CRYM: variants seen among roughly 807,000 people sequenced by gnomAD.
CRYM encodes the protein crystallin mu.
CRYM carries 18 observed loss-of-function variants against 32.9 expected under a neutral mutation model. That is an observed-to-expected ratio of 0.55 (90% CI 0.38 to 0.81). The LOEUF (loss-of-function observed/expected upper bound fraction) is 0.81, where lower values mean the gene tolerates loss of function less well. Ranked by LOEUF, CRYM falls within the 30% of genes least tolerant of loss-of-function variation. CRYM has a pLI of 0.00. For synonymous variants in CRYM, 153 were observed against 152.4 expected (o/e 1.00, Z -0.03); for missense variants, 337 against 393.5 (o/e 0.86, Z 1.21).
chr16:21,295,500 C>T (rs1960770638), intron 1 of CRYM, among the ~76,000 whole-genome samples: 1 of 152,108 alleles, frequency 6.6e-6, no homozygotes, highest in African/African-American at 2.4e-5. Context: ...ATATCCCTTG[C>T]TCACTTTTTG....
chr16:21,274,428 T>A (rs1049425971), intron 3 of CRYM, among the ~76,000 whole-genome samples: 1 of 152,194 alleles, frequency 6.6e-6, no homozygotes, highest in Non-Finnish European at 1.5e-5. Context: ...TCACTTCTGC[T>A]TTATCTTCAC....
chr16:21,262,726 G>T (rs1387763963), intron 5 of CRYM, among the ~76,000 whole-genome samples: 1 of 152,144 alleles, frequency 6.6e-6, no homozygotes, highest in Non-Finnish European at 1.5e-5. Flanking sequence ...TTCATTTACA[G>T]GGTGTCTACT....
intron 3 of CRYM, among the ~76,000 whole-genome samples, chr16:21,272,025 ATTT>A (rs775866723): frequency 1.5e-5 from 2 of 133,766 alleles, no homozygotes; most frequent in Non-Finnish European, 1.6e-5. Context: ...TACTTGGCTA[ATTT>A]TTTTTTTTTT....
intron 3 of CRYM, among the ~76,000 whole-genome samples, chr16:21,274,794 C>T (rs1433872520): frequency 3.3e-5 from 5 of 152,066 alleles, no homozygotes; most frequent in Admixed American, 1.3e-4. Context: ...TTACAAGAGA[C>T]GAGGTTTCAC....
intron 1 of CRYM, among the ~76,000 whole-genome samples, chr16:21,301,896 C>T (rs1173344523): frequency 6.6e-6 from 1 of 152,158 alleles, no homozygotes; most frequent in East Asian, 1.9e-4. Context: ...AGGGTGCGTG[C>T]TAGGGAGTCC....
intron 1 of CRYM, chr16:21,300,335 GTAACTGTGT>G (rs763709217): frequency 3.3e-5 from 5 of 152,034 alleles, no homozygotes; most frequent in Non-Finnish European, 7.4e-5. Context: ...GATTGCAATG[GTAACTGTGT>G]TTTTATTGCT....
At chr16:21,259,462 A>G (rs1173609421) in intron 7 of CRYM, among the ~76,000 whole-genome samples, 1 of 152,122 alleles carries the variant, frequency 6.6e-6, no homozygotes, top group Admixed American at 6.5e-5. Context: ...TTTGTGGGCC[A>G]CAGGGTCTCT....
At chr16:21,262,226 C>A in intron 5 of CRYM, 68 bp from the exon 6 acceptor site, 1 of 1,606,036 alleles carries the variant, frequency 6.2e-7, no homozygotes, top group Admixed American at 1.7e-5. Context: ...GCCCAAAGCA[C>A]AGGAGAGAGG....
At chr16:21,261,955 C>T (rs1244809173) in intron 6 of CRYM, 82 bp downstream of exon 6, 15 of 1,593,438 alleles carry the variant, frequency 9.4e-6, no homozygotes, top group African/African-American at 1.3e-5. Context: ...GCAGACCAAA[C>T]TGGAAGGGAA....
chr16:21,271,325 G>A (rs1024527572), intron 3 of CRYM, among the ~76,000 whole-genome samples: 3 of 152,090 alleles, frequency 2.0e-5, no homozygotes, highest in Non-Finnish European at 2.9e-5. Context: ...CTTGGCCCTC[G>A]ACACCATATG....
In CRYM at chr16:21,258,794, G is replaced by T; in HGVS notation, c.932C>A (p.Ser311Ter). The change falls in exon 8 of 8, where the codon TCA becomes TAA. Residue 311 changes from serine (S) to a stop codon, truncating the protein, a stop_gained. Coordinates refer to ENST00000572914, the MANE Select transcript of CRYM (RefSeq NM_001376256.1). LOFTEE classifies it high-confidence loss of function. ...AGTTCCTTTGTTTTATTTACCAGAT[G>T]ACCAGGAATCATAGATGAGTTTGGC... The part of the protein sequence containing the change: ...VAAKLIYDSW[S>*]SGK 1.9e-6 allele frequency: 3 copies of T among 1,613,806 alleles called. No homozygotes were observed. Among genetic ancestry groups the T allele is most frequent in the Middle Eastern group, 3.3e-4 (2 of 6,062 alleles).
chr16:21,267,689 T>C lies in CRYM; in HGVS notation c.538A>G (p.Thr180Ala). ...CAGACCCGTACCTCTCCTTGCACTGTGTCTGCAAACTTCTCTGCATTTTCT... is the reference window on the plus strand; with the variant it reads ...CAGACCCGTACCTCTCCTTGCACTGCGTCTGCAAACTTCTCTGCATTTTCT... ...TKENAEKFAD[T>A]VQGEVRVCSS... The change falls in exon 5 of 8, where the codon ACA becomes GCA. Residue 180 changes from threonine to alanine, a missense_variant. Transcript: ENST00000572914. 2 of 1,614,246 alleles carry C rather than the reference T, an allele frequency of 1.2e-6. No homozygotes were observed. Among genetic ancestry groups the C allele is most frequent in the Non-Finnish European group, 1.7e-6 (2 of 1,180,040 alleles).
chr16:21,277,828 CCT>C lies in CRYM; in HGVS notation c.171-246_171-245del, dbSNP rs900338042. ...GTGTAAGCTTAGGTAAGTCACTTAA[CCT>C]CTCTGAGTCTCAGTTTTCCACCAAT... On this transcript the variant is annotated intron_variant, in intron 1 of 7. Coordinates refer to ENST00000572914, the MANE Select transcript of CRYM (RefSeq NM_001376256.1). This position sits in a 1 kb window ranked among gnomAD's most constrained non-coding sequence, Gnocchi z 4.2. 6.6e-6 allele frequency among the ~76,000 whole-genome samples: 1 copy of C among 152,152 alleles called. No homozygotes were observed. Among genetic ancestry groups the C allele is most frequent in the Non-Finnish European group, 1.5e-5 (1 of 68,026 alleles).
At chr16:21,263,637 C>T (rs967227584) in intron 5 of CRYM, among the ~76,000 whole-genome samples, 1 of 152,170 alleles carries the variant, frequency 6.6e-6, no homozygotes, top group East Asian at 1.9e-4. Flanking sequence ...CCGTCCTGGC[C>T]CTGAACTGTC....
rs890412330 is a variant in CRYM, at chr16:21,277,412, G to A, written c.324+19C>T. The A allele has an allele frequency of 3.7e-6, 6 of 1,611,534 alleles. No individual in the cohort carries two copies. Among genetic ancestry groups the A allele is most frequent in the African/African-American group, 1.3e-5 (1 of 74,994 alleles). On this transcript the variant is annotated intron_variant, in intron 2 of 7. Transcript: ENST00000572914. This position sits in a 1 kb window ranked among gnomAD's most constrained non-coding sequence, Gnocchi z 4.2. ...GGGCCCAGGGGCCCCATTCCACCCC[G>A]GGACAGGAAGTTGCTCACCGCCAGC...
chr16:21,280,933 C>T (rs1043915313), upstream of CRYM, among the ~76,000 whole-genome samples: 5 of 152,058 alleles, frequency 3.3e-5, no homozygotes, highest in Admixed American at 1.3e-4. Context: ...GATGAAACCC[C>T]ATCTCTACAA....
chr16:21,263,941 G>C (rs1027309581), intron 5 of CRYM, among the ~76,000 whole-genome samples: 1 of 152,242 alleles, frequency 6.6e-6, no homozygotes, highest in Non-Finnish European at 1.5e-5. Context: ...TCTTAGAAGA[G>C]AAACAGGAAA....
intron 3 of CRYM, among the ~76,000 whole-genome samples, chr16:21,270,448 T>C (rs2093372952): frequency 6.6e-6 from 1 of 151,982 alleles, no homozygotes; most frequent in African/African-American, 2.4e-5. Context: ...AACACCCAGC[T>C]AATTTTTGTA....
At chr16:21,263,019 C>T (rs1231919505) in intron 5 of CRYM, among the ~76,000 whole-genome samples, 1 of 152,214 alleles carries the variant, frequency 6.6e-6, no homozygotes, top group Non-Finnish European at 1.5e-5. Context: ...CATTCCTCAC[C>T]CTCAACCAGT....
Sources: gnomAD v4.1 joint callset for allele counts (sites outside exome capture counted in the v4.1 genomes callset) on GRCh38, gnomAD v4.1.1 for gene constraint, Gnocchi (gnomAD v3.1) non-coding constraint, MANE v1.5 for transcripts, NCBI Gene and HGNC (gene_info 2026-07-23, HGNC 2026-07-21) for gene names.